The following ZSCAN25 variants were observed in gnomAD, a reference collection of about 807,000 sequenced individuals.
ZSCAN25 encodes the protein zinc finger and SCAN domain-containing protein 25.
In ZSCAN25, 27 loss-of-function variants were observed where a neutral mutation model predicts 38.7. The observed-to-expected ratio is 0.70, with a 90% confidence interval of 0.51 to 0.96. The LOEUF is 0.96. Ranked by LOEUF, ZSCAN25 falls within the 40% of genes least tolerant of loss-of-function variation. The pLI is 0.00. For synonymous variants in ZSCAN25, 273 were observed against 277.7 expected (o/e 0.98, Z 0.17); for missense variants, 637 against 705.9 (o/e 0.90, Z 1.11).
At chr7:99,672,802 C>T in the ZSCAN25 span, 1 of 1,531,392 alleles carries the variant, frequency 6.5e-7, no homozygotes, top group Non-Finnish European at 8.8e-7. Flanking sequence ...GTACGACACA[C>T]AGCAACCTTA....
the ZSCAN25 span, among the ~76,000 whole-genome samples, chr7:99,711,832 A>G: frequency 1.3e-5 from 2 of 152,174 alleles, no homozygotes. Context: ...AAACCCCACC[A>G]TTGAACTACT....
chr7:99,648,579 A>G, the ZSCAN25 span, among the ~76,000 whole-genome samples: 1 of 152,172 alleles, frequency 6.6e-6, no homozygotes, highest in Non-Finnish European at 1.5e-5. Flanking sequence ...CTGGATAGTA[A>G]AAGCACTCAC....
the ZSCAN25 span, among the ~76,000 whole-genome samples, chr7:99,688,502 G>T: frequency 9.2e-5 from 14 of 152,220 alleles, no homozygotes; most frequent in South Asian, 2.1e-3. Flanking sequence ...CCCAATACAG[G>T]AGCACCCAGA....
chr7:99,648,129 A>G, the ZSCAN25 span: 2 of 1,320,798 alleles, frequency 1.5e-6, no homozygotes, highest in South Asian at 4.0e-5. Context: ...TACATAATGC[A>G]CAACACTCTA....
chr7:99,617,451 C>T (rs532041759), intron 1 of ZSCAN25, among the ~76,000 whole-genome samples: 34 of 152,354 alleles, frequency 2.2e-4, no homozygotes, highest in Admixed American at 2.0e-3. Flanking sequence ...CGTGGTGGCA[C>T]GCGCCTGAGG....
chr7:99,734,029 C>T, the ZSCAN25 span, among the ~76,000 whole-genome samples: 1 of 152,112 alleles, frequency 6.6e-6, no homozygotes, highest in Non-Finnish European at 1.5e-5. Context: ...ACTAATAGCC[C>T]TCTTTTATCA....
chr7:99,650,140 A>G, the ZSCAN25 span: 5 of 1,614,078 alleles, frequency 3.1e-6, no homozygotes, highest in Admixed American at 3.3e-5. Context: ...TTTCATGTTC[A>G]TGAGAGCAAA....
the ZSCAN25 span, chr7:99,695,626 C>T: frequency 3.6e-6 from 3 of 826,294 alleles, no homozygotes; most frequent in South Asian, 1.6e-5. Flanking sequence ...GATGCCTATA[C>T]ACTGTTTCTG....
chr7:99,660,773 T>A, the ZSCAN25 span: 1 of 1,283,956 alleles, frequency 7.8e-7, no homozygotes, highest in Non-Finnish European at 1.1e-6. Flanking sequence ...GAAAAGCAAT[T>A]CAAAGTCACA....
the ZSCAN25 span, chr7:99,677,170 A>G: frequency 1.4e-5 from 14 of 985,252 alleles, no homozygotes; most frequent in Non-Finnish European, 1.6e-5. Context: ...GTCATGTGCA[A>G]ACTCCTCCAA....
At chr7:99,661,218 C>T in the ZSCAN25 span, among the ~76,000 whole-genome samples, 31 of 152,266 alleles carry the variant, frequency 2.0e-4, no homozygotes, top group African/African-American at 7.5e-4. Context: ...TTTCATGGAC[C>T]AGCAGCACCA....
At chr7:99,717,054 A>C in the ZSCAN25 span, 1 of 1,186,260 alleles carries the variant, frequency 8.4e-7, no homozygotes, top group Non-Finnish European at 1.2e-6. Flanking sequence ...TTGAAGTTGC[A>C]TTACCACAGC....
At chr7:99,645,359 G>A in the ZSCAN25 span, among the ~76,000 whole-genome samples, 4 of 152,076 alleles carry the variant, frequency 2.6e-5, no homozygotes, top group East Asian at 1.9e-4. Flanking sequence ...TATTCAGTCC[G>A]TAATTGATGG....
chr7:99,664,167 T>C, the ZSCAN25 span: 1 of 1,188,510 alleles, frequency 8.4e-7, no homozygotes, highest in African/African-American at 1.6e-5. Context: ...ATTATAATTT[T>C]CTCTACCAGT....
the ZSCAN25 span, among the ~76,000 whole-genome samples, chr7:99,711,408 T>C: frequency 7.9e-5 from 12 of 152,292 alleles, no homozygotes; most frequent in African/African-American, 2.4e-4. Flanking sequence ...GAGACCAATA[T>C]TGGAATACAG....
the ZSCAN25 span, among the ~76,000 whole-genome samples, chr7:99,701,433 T>C: frequency 6.6e-6 from 1 of 152,236 alleles, no homozygotes; most frequent in Non-Finnish European, 1.5e-5. Flanking sequence ...AAGATATCTC[T>C]TCAATATATG....
the ZSCAN25 span, chr7:99,667,135 G>C: frequency 2.9e-6 from 4 of 1,396,884 alleles, no homozygotes; most frequent in African/African-American, 2.9e-5. Context: ...AAAATATATT[G>C]AAGAGGCATC....
chr7:99,701,045 A>G, the ZSCAN25 span, among the ~76,000 whole-genome samples: 2 of 152,134 alleles, frequency 1.3e-5, no homozygotes, highest in Middle Eastern at 3.2e-3. Flanking sequence ...ACACCCAACC[A>G]CCCTGTGCCT....
chr7:99,722,726 G>T, the ZSCAN25 span, among the ~76,000 whole-genome samples: 2 of 152,166 alleles, frequency 1.3e-5, no homozygotes, highest in Non-Finnish European at 2.9e-5. Flanking sequence ...GTGAGTGAGC[G>T]CCAGAAGGGA....
Sources: allele counts gnomAD v4.1 joint callset (sites outside exome capture counted in the v4.1 genomes callset), GRCh38; gene constraint gnomAD v4.1.1; transcripts MANE v1.5; gene names NCBI Gene and HGNC (gene_info 2026-07-23, HGNC 2026-07-21).